The following RIPK4 variants were observed in gnomAD, a reference collection of about 807,000 sequenced individuals.
The protein encoded by RIPK4 is receptor interacting serine/threonine kinase 4.
In RIPK4, 17 loss-of-function variants were observed where a neutral mutation model predicts 42.9. The observed-to-expected ratio is 0.40, with a 90% CI of 0.27 to 0.59. The LOEUF is 0.59. RIPK4 is among the 20% of genes least tolerant of loss of function. The probability of loss-of-function intolerance (pLI) is 0.47; values close to 1 mark genes in which losing one functional copy is unlikely to be tolerated. For synonymous variants in RIPK4, 498 were observed against 499.1 expected (o/e 1.00, Z 0.03); for missense variants, 897 against 1,104.4 (o/e 0.81, Z 2.66).
At chr21:41,762,437 C>A (rs1021820493) in intron 1 of RIPK4, among the ~76,000 whole-genome samples, 9 of 152,230 alleles carry the variant, frequency 5.9e-5, no homozygotes, top group African/African-American at 1.9e-4. Context: ...ACCCACACGA[C>A]CCCGCCTTCC....
At chr21:41,760,296 C>G (rs1479394264) in intron 1 of RIPK4, among the ~76,000 whole-genome samples, 1 of 152,216 alleles carries the variant, frequency 6.6e-6, no homozygotes, top group Non-Finnish European at 1.5e-5. Flanking sequence ...CACCATATGT[C>G]AGAACTAAGG....
At chr21:41,752,863 ACC>A (rs1272805494) in intron 2 of RIPK4, among the ~76,000 whole-genome samples, 1 of 152,052 alleles carries the variant, frequency 6.6e-6, no homozygotes, top group Non-Finnish European at 1.5e-5. Context: ...TAGGACAAAC[ACC>A]TAATGCATGC....
Position 41,755,064 on chromosome 21 carries a change from C to A in RIPK4, c.474+1461G>T, listed in dbSNP as rs923777332. Among the ~76,000 whole-genome samples the A allele has an allele frequency of 6.6e-6, 1 of 152,126 alleles. No homozygotes were observed. On this transcript the variant is annotated intron_variant, in intron 2 of 7. Coordinates refer to ENST00000332512, the MANE Select transcript of RIPK4 (RefSeq NM_020639.3). This position sits in a 1 kb window ranked among gnomAD's most constrained non-coding sequence, Gnocchi z 4.2. ...CGGCAGAGCTTACTAGTCATTAGGGCCCCAGAGCCTGTGCTACCTAGAAAC... is the reference window on the plus strand; with the variant it reads ...CGGCAGAGCTTACTAGTCATTAGGGACCCAGAGCCTGTGCTACCTAGAAAC...
intron 2 of RIPK4, among the ~76,000 whole-genome samples, chr21:41,754,300 T>C (rs2061196657): frequency 6.6e-6 from 1 of 152,318 alleles, no homozygotes; most frequent in Non-Finnish European, 1.5e-5. Context: ...AGTAGCTATT[T>C]CACAGAAAAA....
chr21:41,757,825 CCT>C (rs1267861279), intron 1 of RIPK4, among the ~76,000 whole-genome samples: 1 of 150,576 alleles, frequency 6.6e-6, no homozygotes, highest in Non-Finnish European at 1.5e-5. Flanking sequence ...ATGGTGAAAC[CCT>C]GTCTCTACGA....
Position 41,741,054 on chromosome 21 carries a change from G to T in RIPK4, c.2139C>A (p.His713Gln). 1.2e-6 allele frequency: 2 copies of T among 1,610,234 alleles called. No individual in the cohort carries two copies. Among genetic ancestry groups the T allele is most frequent in the Non-Finnish European group, 8.5e-7 (1 of 1,179,306 alleles). Residue 713 changes from histidine to glutamine, a missense_variant, in exon 8 of 8, where the codon CAC (histidine) becomes CAA (glutamine). Transcript: ENST00000332512. ...ACTCCTCCACCACCTCCGAGTGCCC[G>T]TGGGCGGCAGCCAGGTGCAGCGCCG... Reference protein sequence around the residue: ...NQTALHLAAAHGHSEVVEELV... With the variant: ...NQTALHLAAAQGHSEVVEELV...
intron 1 of RIPK4, among the ~76,000 whole-genome samples, chr21:41,762,330 G>A (rs1009840276): frequency 2.6e-5 from 4 of 152,172 alleles, no homozygotes; most frequent in Admixed American, 6.5e-5. Flanking sequence ...GGGGTGGGGC[G>A]GCTCCCTTGC....
chr21:41,751,424 C>T lies in RIPK4; in HGVS notation c.475-179G>A, dbSNP rs541331635. Among the ~76,000 whole-genome samples the T allele has an allele frequency of 6.6e-6, 1 of 152,374 alleles. No individual in the cohort carries two copies. The highest frequency in any genetic ancestry group is 2.1e-4 in the South Asian group (1 of 4,832). The stretch of plus-strand genomic sequence containing the variant: ...CCCCAGGCAGGGAGGGAGACAGATT[C>T]TGGGGCAGAAGCAAGCCTGGAGGCA... On this transcript the variant is annotated intron_variant, in intron 2 of 7. Coordinates refer to ENST00000332512, the MANE Select transcript of RIPK4 (RefSeq NM_020639.3). The surrounding 1 kb of genome is among the most constrained non-coding windows in gnomAD (Gnocchi z 4.5).
At chr21:41,762,096 C>A (rs962576834) in intron 1 of RIPK4, among the ~76,000 whole-genome samples, 1 of 152,202 alleles carries the variant, frequency 6.6e-6, no homozygotes, top group Non-Finnish European at 1.5e-5. Context: ...CCCAGCTTTG[C>A]GCAACTGCCT....
At position 41,741,323 on chromosome 21, in the gene RIPK4, T is replaced by A. The variant is rs1345807217; in HGVS notation, c.1870A>T (p.Ile624Phe). 4 of 1,608,696 alleles carry A rather than the reference T, an allele frequency of 2.5e-6. No individual in the cohort carries two copies. The highest frequency in any genetic ancestry group is 3.4e-6 in the Non-Finnish European group (4 of 1,179,542). Reference sequence around the variant, plus strand: ...ACGTTGACGTCGGAGCACAGGTCGATGAGGATGCGGGCCACGCGGTAGTGC... The same window carrying A: ...ACGTTGACGTCGGAGCACAGGTCGAAGAGGATGCGGGCCACGCGGTAGTGC... ...RGHYRVARIL[I>F]DLCSDVNVCS... Residue 624 changes from isoleucine (I) to phenylalanine (F), a missense_variant, in exon 8 of 8, where the codon ATC (isoleucine) becomes TTC (phenylalanine). Transcript: ENST00000332512.
chr21:41,747,918 C>T (rs767632068), intron 4 of RIPK4, among the ~76,000 whole-genome samples: 22 of 152,188 alleles, frequency 1.4e-4, no homozygotes, highest in African/African-American at 4.6e-4. Context: ...CAGTAGGACA[C>T]GAATAATTCC....
At chr21:41,757,604 G>A (rs2061207711) in intron 1 of RIPK4, among the ~76,000 whole-genome samples, 1 of 151,628 alleles carries the variant, frequency 6.6e-6, no homozygotes, top group Non-Finnish European at 1.5e-5. Flanking sequence ...ACCTGAGTTG[G>A]CCCAGTTATT....
Position 41,764,026 on chromosome 21 carries a change from G to C in RIPK4, c.182+2834C>G, listed in dbSNP as rs150125330. 2.7e-3 allele frequency among the ~76,000 whole-genome samples: 407 copies of C among 152,272 alleles called. 3 individuals carry two copies. Among genetic ancestry groups the C allele is most frequent in the African/African-American group, 9.1e-3 (380 of 41,554 alleles). ...CTGCCTCTCCAAAGCCACCCCACAG[G>C]ACCCTCCGAGGCACCGAGCCCCATG... is the stretch of plus-strand genomic sequence containing the variant. On this transcript the variant is annotated intron_variant, in intron 1 of 7. Transcript: ENST00000332512.
At position 41,744,055 on chromosome 21, in the gene RIPK4, G is replaced by C; in HGVS notation, c.1022C>G (p.Ser341Cys). ...GCCCTCGACAGCCTGGGAAACTCCA[G>C]AGTCCAGCTGTGAGAGCAGCTCGGA... is the stretch of plus-strand genomic sequence containing the variant. ...SLSELLSQLDSGVSQAVEGPE... is the reference protein window; with the variant it reads ...SLSELLSQLDCGVSQAVEGPE... The change falls in exon 7 of 8, where the codon TCT becomes TGT. Residue 341 changes from serine (S) to cysteine (C), a missense_variant. By Grantham distance (112) the Ser-to-Cys change is moderately radical (BLOSUM62 -1). Coordinates refer to ENST00000332512, the MANE Select transcript of RIPK4 (RefSeq NM_020639.3). 1 of 1,613,012 alleles carries C rather than the reference G, an allele frequency of 6.2e-7. No individual in the cohort carries two copies. Among genetic ancestry groups the C allele is most frequent in the East Asian group, 2.2e-5 (1 of 44,870 alleles).
At position 41,767,006 on chromosome 21, in the gene RIPK4, C is replaced by T. The variant is rs1294060354; in HGVS notation, c.36G>A (p.Ala12=). 3.8e-6 allele frequency: 6 copies of T among 1,597,226 alleles called. No individual in the cohort carries two copies. Among genetic ancestry groups the T allele is most frequent in the Non-Finnish European group, 3.4e-6 (4 of 1,173,786 alleles). ...EGDGGTPWAL[A]LLRTFDAGEF... ...CGCCCGCGTCGAAGGTGCGCAGCAG[C>T]GCCAGGGCCCATGGGGTCCCGCCGT... Residue 12 remains alanine, a synonymous_variant, in exon 1 of 8, where the codon GCG becomes GCA. Transcript: ENST00000332512. The surrounding 1 kb of genome is among the most constrained non-coding windows in gnomAD (Gnocchi z 4.0).
At chr21:41,759,283 T>C (rs746825769) in intron 1 of RIPK4, among the ~76,000 whole-genome samples, 29 of 152,018 alleles carry the variant, frequency 1.9e-4, no homozygotes, top group Non-Finnish European at 1.9e-4. Flanking sequence ...TTAGTAAAGA[T>C]GGGATTTTGC....
rs767093597 is a variant in RIPK4, at chr21:41,742,182, C to A, written c.1196-185G>T. On this transcript the variant is annotated intron_variant, in intron 7 of 7. Coordinates refer to ENST00000332512, the MANE Select transcript of RIPK4 (RefSeq NM_020639.3). The surrounding 1 kb of genome is among the most constrained non-coding windows in gnomAD (Gnocchi z 5.1). Reference sequence around the variant, plus strand: ...TTAAGGTCAGTCCTAGCGGGAGCCCCGGGGCAGGCTGGCGAATGTCTCCCA... The same window carrying A: ...TTAAGGTCAGTCCTAGCGGGAGCCCAGGGGCAGGCTGGCGAATGTCTCCCA... Among the ~76,000 whole-genome samples the A allele has an allele frequency of 6.6e-6, 1 of 152,068 alleles. No homozygotes were observed. The highest frequency in any genetic ancestry group is 2.4e-5 in the African/African-American group (1 of 41,402).
At chr21:41,762,897 C>G (rs1258635001) in intron 1 of RIPK4, among the ~76,000 whole-genome samples, 2 of 152,198 alleles carry the variant, frequency 1.3e-5, no homozygotes, top group Admixed American at 1.3e-4. Context: ...AATCGCATTT[C>G]TTACTGTTGA....
chr21:41,756,696 C>T lies in RIPK4; in HGVS notation c.303G>A (p.Thr101=), dbSNP rs2277792. 2,117 of 1,614,190 alleles carry T rather than the reference C, an allele frequency of 1.3e-3. 29 individuals are homozygous for T. In the East Asian group the frequency reaches 0.028, roughly 21 times the overall value. Residue 101 remains threonine (T), a synonymous_variant, in exon 2 of 8, where the codon ACG becomes ACA. Transcript: ENST00000332512. ...PVGLVMEYME[T]GSLEKLLASE... ...AAGCCAGCAGCTTTTCCAGGGAGCC[C>T]GTCTCCATGTACTCCATGACCAGGC... is the stretch of plus-strand genomic sequence containing the variant.
Sources: allele counts gnomAD v4.1 joint callset (sites outside exome capture counted in the v4.1 genomes callset), GRCh38; gene constraint gnomAD v4.1.1; non-coding constraint Gnocchi (gnomAD v3.1); transcripts MANE v1.5; gene names NCBI Gene and HGNC (gene_info 2026-07-23, HGNC 2026-07-21).